WWOX: variants seen among roughly 807,000 people sequenced by gnomAD.
WWOX encodes WW domain-containing oxidoreductase.
WWOX carries 69 observed loss-of-function variants against 46.2 expected under a neutral mutation model. The ratio of observed to expected loss-of-function variants is 1.49; its 90% CI spans 1.23 to 1.82. The LOEUF (loss-of-function observed/expected upper bound fraction) is 1.82, where lower values mean the gene tolerates loss of function less well. Among genes scored for constraint, WWOX ranks in the 40% most tolerant of loss-of-function variants. WWOX has a pLI of 0.00. For missense variants in WWOX, 919 were observed against 542.6 expected (o/e 1.69, Z -6.89); for synonymous variants, 359 against 202.6 (o/e 1.77, Z -6.56).
intron 5 of WWOX, among the ~76,000 whole-genome samples, chr16:78,258,733 AG>A (rs1339524310): frequency 3.0e-4 from 39 of 130,976 alleles, no homozygotes; most frequent in African/African-American, 9.6e-4. Context: ...AAAAAAAAAA[AG>A]GGCATATTCC....
At chr16:78,702,178 G>A (rs2048239184) in intron 8 of WWOX, among the ~76,000 whole-genome samples, 1 of 146,194 alleles carries the variant, frequency 6.8e-6, no homozygotes, top group Non-Finnish European at 1.5e-5. Context: ...TACTCCGGAG[G>A]CCGAGGCAGG....
intron 5 of WWOX, among the ~76,000 whole-genome samples, chr16:78,370,463 T>C (rs1003544410): frequency 1.3e-5 from 2 of 150,986 alleles, no homozygotes; most frequent in Non-Finnish European, 2.9e-5. Context: ...GAGAGAAATA[T>C]ATGAGAGACG....
At chr16:78,493,987 G>C (rs761456742) in intron 8 of WWOX, among the ~76,000 whole-genome samples, 1 of 152,182 alleles carries the variant, frequency 6.6e-6, no homozygotes, top group East Asian at 1.9e-4. Flanking sequence ...ACATTCCTGA[G>C]ACTGGGAAAT....
intron 8 of WWOX, among the ~76,000 whole-genome samples, chr16:78,721,428 C>T (rs751495354): frequency 6.6e-6 from 1 of 152,078 alleles, no homozygotes. Flanking sequence ...ATATTGTCGG[C>T]TGGAGAGTAT....
At chr16:78,694,866 T>C (rs1159436324) in intron 8 of WWOX, among the ~76,000 whole-genome samples, 1 of 152,164 alleles carries the variant, frequency 6.6e-6, no homozygotes, top group Non-Finnish European at 1.5e-5. Context: ...TCTTTACATC[T>C]GCTTCCTGCA....
chr16:78,510,760 C>T (rs569588352), intron 8 of WWOX, among the ~76,000 whole-genome samples: 1 of 152,168 alleles, frequency 6.6e-6, no homozygotes, highest in African/African-American at 2.4e-5. Flanking sequence ...TGTGTATATT[C>T]ACACACACCC....
Position 78,309,170 on chromosome 16 carries a change from C to T in WWOX, c.517-77690C>T, listed in dbSNP as rs977639511. ...TGAATTGTAATCCCCACAATCCCGA[C>T]ATGTCAAGGGAGAGACCAGGTGGAT... On this transcript the variant is annotated intron_variant, in intron 5 of 8. Coordinates refer to ENST00000566780, the MANE Select transcript of WWOX (RefSeq NM_016373.4). 3.9e-5 allele frequency among the ~76,000 whole-genome samples: 6 copies of T among 152,220 alleles called. No homozygotes were observed. The South Asian group carries it at 1.2e-3, about 32-fold the overall frequency.
intron 5 of WWOX, among the ~76,000 whole-genome samples, chr16:78,220,378 A>G (rs1481972986): frequency 6.8e-6 from 1 of 147,488 alleles, no homozygotes; most frequent in Non-Finnish European, 1.5e-5. Context: ...ATTCACTTTC[A>G]GTCATTACTG....
chr16:79,188,894 G>A (rs1288412958), intron 8 of WWOX, among the ~76,000 whole-genome samples: 1 of 152,186 alleles, frequency 6.6e-6, no homozygotes, highest in Non-Finnish European at 1.5e-5. Context: ...TTGTGTGTGA[G>A]CAGCTGAGCT....
At chr16:78,265,935 G>A (rs1335541703) in intron 5 of WWOX, 1 of 152,222 alleles carries the variant, frequency 6.6e-6, no homozygotes, top group Non-Finnish European at 1.5e-5. Context: ...TGAAGTGGGT[G>A]TTAATCCCTA....
intron 5 of WWOX, among the ~76,000 whole-genome samples, chr16:78,385,984 A>C (rs758218202): frequency 2.0e-5 from 3 of 152,190 alleles, no homozygotes; most frequent in Non-Finnish European, 4.4e-5. Context: ...GTCCTTGCAG[A>C]ATGATGCCAT....
intron 5 of WWOX, among the ~76,000 whole-genome samples, chr16:78,300,688 A>G (rs1326691179): frequency 1.3e-5 from 2 of 152,156 alleles, no homozygotes; most frequent in African/African-American, 2.4e-5. Context: ...ATTTTCAGCT[A>G]TGCCATAAAT....
At chr16:78,455,326 A>G (rs1197101892) in intron 8 of WWOX, among the ~76,000 whole-genome samples, 6 of 152,102 alleles carry the variant, frequency 3.9e-5, no homozygotes, top group African/African-American at 1.4e-4. Flanking sequence ...ATGAAGATAA[A>G]TGATATTCTA....
chr16:78,701,508 T>A (rs1261599498), intron 8 of WWOX, among the ~76,000 whole-genome samples: 1 of 152,086 alleles, frequency 6.6e-6, no homozygotes, highest in African/African-American at 2.4e-5. Flanking sequence ...TCTACCTCTA[T>A]CTCTTCTATC....
intron 8 of WWOX, among the ~76,000 whole-genome samples, chr16:78,465,135 G>C (rs2084044115): frequency 6.6e-6 from 1 of 152,188 alleles, no homozygotes; most frequent in African/African-American, 2.4e-5. Context: ...CTCCCACTGG[G>C]TCCCTACCAT....
At chr16:79,004,654 G>C (rs1484277545) in intron 8 of WWOX, 1 of 152,282 alleles carries the variant, frequency 6.6e-6, no homozygotes, top group Non-Finnish European at 1.5e-5. Flanking sequence ...GCCAACTCCT[G>C]TTTATACTGG....
intron 8 of WWOX, among the ~76,000 whole-genome samples, chr16:78,748,634 C>G (rs527693619): frequency 1.3e-5 from 2 of 152,332 alleles, no homozygotes; most frequent in Non-Finnish European, 2.9e-5. Flanking sequence ...CATGAAGTCA[C>G]TGGGCCCAGA....
intron 5 of WWOX, among the ~76,000 whole-genome samples, chr16:78,283,019 C>T (rs1160315128): frequency 6.6e-6 from 1 of 151,938 alleles, no homozygotes; most frequent in African/African-American, 2.4e-5. Context: ...GAGACCAGGG[C>T]CTGGCTGACC....
chr16:78,672,590 C>T (rs1040846571), intron 8 of WWOX, among the ~76,000 whole-genome samples: 2 of 152,208 alleles, frequency 1.3e-5, no homozygotes, highest in African/African-American at 4.8e-5. Context: ...CCTAAATTGC[C>T]TGTAATGGGT....
Sources: gnomAD v4.1 joint callset for allele counts (sites outside exome capture counted in the v4.1 genomes callset) on GRCh38, gnomAD v4.1.1 for gene constraint, MANE v1.5 for transcripts, NCBI Gene and HGNC (gene_info 2026-07-23, HGNC 2026-07-21) for gene names.